Variants in PLCG2 observed in about 807,000 individuals in gnomAD.
PLCG2 encodes phospholipase C gamma 2.
In PLCG2, 69 loss-of-function variants were observed where a neutral mutation model predicts 175.6. That is an observed-to-expected ratio of 0.39 (90% confidence interval 0.32 to 0.48). PLCG2 has a LOEUF of 0.48. PLCG2 is among the 20% of genes least tolerant of loss of function. PLCG2 has a pLI of 0.91. For synonymous variants in PLCG2, 827 were observed against 624.0 expected (o/e 1.33, Z -4.85); for missense variants, 1,798 against 1,650.9 (o/e 1.09, Z -1.54).
intron 2 of PLCG2, among the ~76,000 whole-genome samples, chr16:81,791,171 C>A (rs1031040845): frequency 1.3e-5 from 2 of 152,062 alleles, no homozygotes; most frequent in African/African-American, 4.8e-5. Context: ...CTCAAACTTG[C>A]CCTTGCAAGA....
intron 2 of PLCG2, among the ~76,000 whole-genome samples, chr16:81,789,956 A>C (rs183895926): frequency 6.6e-6 from 1 of 151,928 alleles, no homozygotes; most frequent in East Asian, 1.9e-4. Flanking sequence ...TGGAGCCTAT[A>C]TTGCTTTATT....
chr16:81,779,564 G>T (rs1910635385), intron 1 of PLCG2, 140 bp downstream of exon 1: 1 of 152,018 alleles, frequency 6.6e-6, no homozygotes, highest in South Asian at 2.1e-4. Flanking sequence ...CGCACCCTCG[G>T]GGACCCCGGC....
intron 11 of PLCG2, 73 bp downstream of exon 11, chr16:81,891,663 GC>G: frequency 1.2e-6 from 1 of 845,372 alleles, no homozygotes; most frequent in Non-Finnish European, 2.1e-6. Context: ...GGTCCGATAC[GC>G]CGCTCCGGTG....
intron 19 of PLCG2, among the ~76,000 whole-genome samples, chr16:81,915,043 G>A (rs1384457071): frequency 6.6e-6 from 1 of 152,216 alleles, no homozygotes; most frequent in Non-Finnish European, 1.5e-5. Flanking sequence ...AACCCTCTCT[G>A]GTCAGGGTAT....
At chr16:81,861,888 A>G (rs1197564700) in intron 5 of PLCG2, among the ~76,000 whole-genome samples, 1 of 152,196 alleles carries the variant, frequency 6.6e-6, no homozygotes, top group African/African-American at 2.4e-5. Flanking sequence ...CCATCTTCCC[A>G]TCGGCTGGTC....
intron 13 of PLCG2, among the ~76,000 whole-genome samples, chr16:81,896,146 C>CGAG (rs1250368304): frequency 3.3e-5 from 5 of 152,138 alleles, no homozygotes; most frequent in African/African-American, 4.8e-5. Flanking sequence ...TCTAGAGCCC[C>CGAG]GAGGAGGCTC....
At chr16:81,844,396 A>G (rs985219492) in intron 2 of PLCG2, among the ~76,000 whole-genome samples, 3 of 151,916 alleles carry the variant, frequency 2.0e-5, no homozygotes, top group Non-Finnish European at 4.4e-5. Context: ...GCTCACTGCA[A>G]CCTCTGCACC....
At chr16:81,878,505 A>G (rs1907925123) in intron 7 of PLCG2, among the ~76,000 whole-genome samples, 1 of 152,122 alleles carries the variant, frequency 6.6e-6, no homozygotes, top group African/African-American at 2.4e-5. Flanking sequence ...TTCCTTGATC[A>G]CCTGTGCCCC....
At chr16:81,832,471 C>A (rs939937342) in intron 2 of PLCG2, among the ~76,000 whole-genome samples, 2 of 152,202 alleles carry the variant, frequency 1.3e-5, no homozygotes, top group African/African-American at 4.8e-5. Context: ...CTCACTGCAA[C>A]CTCTGTCTCC....
intron 1 of PLCG2, among the ~76,000 whole-genome samples, chr16:81,782,660 T>C (rs986923902): frequency 3.9e-5 from 6 of 152,222 alleles, no homozygotes; most frequent in Non-Finnish European, 8.8e-5. Context: ...TTTCGTGAGA[T>C]ACAAGAACCC....
chr16:81,881,051 G>A (rs571793318), intron 8 of PLCG2, 98 bp downstream of exon 8: 578 of 1,238,120 alleles, frequency 4.7e-4, no homozygotes, highest in Admixed American at 1.4e-3. Flanking sequence ...GTGTGCAGGC[G>A]CTGACCTCCA....
At chr16:81,914,402 G>A (rs893375146) in intron 19 of PLCG2, among the ~76,000 whole-genome samples, 3 of 152,210 alleles carry the variant, frequency 2.0e-5, no homozygotes, top group Non-Finnish European at 4.4e-5. Flanking sequence ...GAGCCAGGTG[G>A]CATGATTCTG....
chr16:81,880,314 G>T (rs533206461), intron 7 of PLCG2, among the ~76,000 whole-genome samples: 14 of 152,314 alleles, frequency 9.2e-5, no homozygotes, highest in African/African-American at 3.4e-4. Flanking sequence ...ACTGTTTTGA[G>T]AGCACCTTGG....
intron 2 of PLCG2, among the ~76,000 whole-genome samples, chr16:81,758,319 G>T (rs1278956666): frequency 6.6e-6 from 1 of 152,108 alleles, no homozygotes; most frequent in Non-Finnish European, 1.5e-5. Flanking sequence ...ATTTTGTAGC[G>T]TGGATCAGCA....
At chr16:81,833,069 C>G (rs913151290) in intron 2 of PLCG2, among the ~76,000 whole-genome samples, 12 of 152,310 alleles carry the variant, frequency 7.9e-5, no homozygotes, top group South Asian at 6.2e-4. Context: ...GAGGGGGTGT[C>G]TTGTGGGGAC....
chr16:81,855,899 A>G (rs1175837573), intron 3 of PLCG2, among the ~76,000 whole-genome samples: 1 of 152,180 alleles, frequency 6.6e-6, no homozygotes, highest in Non-Finnish European at 1.5e-5. Context: ...GAGTTGGTAG[A>G]GATGGGGTAG....
intron 11 of PLCG2, among the ~76,000 whole-genome samples, chr16:81,893,254 C>G (rs1033861828): frequency 6.6e-6 from 1 of 152,144 alleles, no homozygotes; most frequent in Non-Finnish European, 1.5e-5. Flanking sequence ...GGATATGGCT[C>G]CTAGCATAGC....
chr16:81,862,985 T>A (rs1268531889), intron 5 of PLCG2, among the ~76,000 whole-genome samples: 2 of 152,216 alleles, frequency 1.3e-5, no homozygotes, highest in African/African-American at 4.8e-5. Context: ...ACCAATCACC[T>A]TATGATTAAA....
intron 19 of PLCG2, among the ~76,000 whole-genome samples, chr16:81,915,901 C>T (rs994385719): frequency 2.0e-5 from 3 of 152,160 alleles, no homozygotes; most frequent in Non-Finnish European, 4.4e-5. Flanking sequence ...ACAGTGAAGG[C>T]TAAAGCCCCC....
Sources: allele counts gnomAD v4.1 joint callset (sites outside exome capture counted in the v4.1 genomes callset), GRCh38; gene constraint gnomAD v4.1.1; transcripts MANE v1.5; gene names NCBI Gene and HGNC (gene_info 2026-07-23, HGNC 2026-07-21).